The following THOC5 variants were observed in gnomAD, a reference collection of about 807,000 sequenced individuals.
THOC5 encodes the protein THO complex subunit 5, also known as Fms-interacting protein.
In THOC5, 43 loss-of-function variants were observed where a neutral mutation model predicts 92.9. The ratio of observed to expected loss-of-function variants is 0.46; its 90% CI spans 0.36 to 0.60. The LOEUF is 0.60. Ranked by LOEUF, THOC5 falls within the 20% of genes least tolerant of loss-of-function variation. THOC5 has a pLI of 0.00. For missense variants in THOC5, 659 were observed against 849.4 expected, an observed-to-expected ratio of 0.78 and a Z score of 2.79; for synonymous variants, 296 against 320.1, an observed-to-expected ratio of 0.92 and a Z score of 0.80.
Position 29,528,426 on chromosome 22 carries a change from C to T in THOC5, c.966G>A (p.Thr322=). Residue 322 remains threonine (T), a splice_region_variant and synonymous_variant, in exon 10 of 20, where the codon ACG becomes ACA. Transcript: ENST00000490103. The part of the protein sequence containing the change: ...SDSDAEEEQT[T]KRRRPTLGVQ... ...CCCCACAAGAGGAAATGGTTCTCAC[C>T]GTAGTCTGCTCCTCCTCGGCATCTG... 4.3e-6 allele frequency: 7 copies of T among 1,613,830 alleles called. No individual in the cohort carries two copies. The highest frequency in any genetic ancestry group is 5.9e-6 in the Non-Finnish European group (7 of 1,180,030).
chr22:29,536,885 T>A (rs2063771425), intron 6 of THOC5, 147 bp from the exon 7 acceptor site: 1 of 622,270 alleles, frequency 1.6e-6, no homozygotes. Context: ...GGTACTTTGG[T>A]GAGCTCTTTA....
In THOC5 at chr22:29,548,191, G is replaced by A. The variant is rs149307057; in HGVS notation, c.96+861C>T. Among the ~76,000 whole-genome samples the A allele has an allele frequency of 7.2e-4, 110 of 152,170 alleles. 1 individual carries two copies. The highest frequency in any genetic ancestry group is 1.4e-3 in the Non-Finnish European group (94 of 68,010). ...CAAGTTGAGATTTGGGTGGGGACACGGCCAAACCATATGACCATCCCAGTA... is the reference window on the plus strand; with the variant it reads ...CAAGTTGAGATTTGGGTGGGGACACAGCCAAACCATATGACCATCCCAGTA... On this transcript the variant is annotated intron_variant, in intron 2 of 19. Coordinates refer to ENST00000490103, the MANE Select transcript of THOC5 (RefSeq NM_003678.5).
intron 15 of THOC5, among the ~76,000 whole-genome samples, chr22:29,518,174 C>T (rs1311355093): frequency 6.6e-6 from 1 of 152,164 alleles, no homozygotes; most frequent in Non-Finnish European, 1.5e-5. Context: ...GCTGGGAATA[C>T]AAGTGCACAC....
chr22:29,534,452 T>C (rs1010158166), intron 7 of THOC5: 1 of 152,160 alleles, frequency 6.6e-6, no homozygotes, highest in African/African-American at 2.4e-5. Context: ...AAGTAATATA[T>C]GGTACACTGT....
chr22:29,513,733 C>T (rs1234364085), intron 17 of THOC5, among the ~76,000 whole-genome samples: 1 of 151,886 alleles, frequency 6.6e-6, no homozygotes. Flanking sequence ...CGTCGTGGCT[C>T]ACGCCTGTAA....
At chr22:29,535,908 C>A (rs2063750936) in intron 7 of THOC5, 3 of 152,142 alleles carry the variant, frequency 2.0e-5, no homozygotes. Context: ...CTCCTGGGCT[C>A]AAGTGATCCT....
chr22:29,536,671 T>C lies in THOC5; in HGVS notation c.667A>G (p.Lys223Glu). The change falls in exon 7 of 20, where the codon AAG becomes GAG. Residue 223 changes from lysine (K) to glutamate (E), a missense_variant. Lys to Glu is a moderately conservative substitution (Grantham distance 56). Coordinates refer to ENST00000490103, the MANE Select transcript of THOC5 (RefSeq NM_003678.5). ...EKILKEIEVKKEYLSSLQPRL... is the reference protein window; with the variant it reads ...EKILKEIEVKEEYLSSLQPRL... ...GGCTGGAGGCTGCTCAGGTACTCCT[T>C]CTTCACCTCAATCTCCTTGAGAATC... 1 of 1,613,918 alleles carries C rather than the reference T, an allele frequency of 6.2e-7. No individual in the cohort carries two copies. Among genetic ancestry groups the C allele is most frequent in the Middle Eastern group, 1.6e-4 (1 of 6,062 alleles).
In THOC5 at chr22:29,508,497, A is replaced by G; in HGVS notation, c.2012T>C (p.Phe671Ser). 1 of 1,614,140 alleles carries G rather than the reference A, an allele frequency of 6.2e-7. No homozygotes were observed. Among genetic ancestry groups the G allele is most frequent in the East Asian group, 2.2e-5 (1 of 44,876 alleles). Reference sequence around the variant, plus strand: ...GAATCCCTGAGGATGGTTGTATTTAAATGGCTTCATCCTGCTAGGACCCCT... The same window carrying G: ...GAATCCCTGAGGATGGTTGTATTTAGATGGCTTCATCCTGCTAGGACCCCT... ...LFRGPSRMKP[F>S]KYNHPQGFFS... The change falls in exon 20 of 20, where the codon TTT (phenylalanine) becomes TCT (serine). Residue 671 changes from phenylalanine (F) to serine (S), a missense_variant. Phe to Ser is a radical substitution (Grantham distance 155). Transcript: ENST00000490103.
At position 29,514,718 on chromosome 22, in the gene THOC5, T is replaced by A. The variant is rs538832339; in HGVS notation, c.1681+2311A>T. On this transcript the variant is annotated intron_variant, in intron 17 of 19. Coordinates refer to ENST00000490103, the MANE Select transcript of THOC5 (RefSeq NM_003678.5). ...AATGAAAAAATATATATATATATAT[T>A]TTTTGAGACGGAGTCTTGCTCTGTC... Among the ~76,000 whole-genome samples, 19 of 150,996 alleles carry A rather than the reference T, an allele frequency of 1.3e-4. No individual in the cohort carries two copies. In the East Asian group the frequency reaches 3.7e-3, roughly 30 times the overall value.
chr22:29,541,687 C>A (rs2063887187), intron 5 of THOC5, among the ~76,000 whole-genome samples: 2 of 149,146 alleles, frequency 1.3e-5, no homozygotes, highest in Admixed American at 1.3e-4. Context: ...CGGTGAAACC[C>A]TGTCTCTACT....
Position 29,515,051 on chromosome 22 carries a change from G to GT in THOC5, c.1681+1977dup, listed in dbSNP as rs372902253. On this transcript the variant is annotated intron_variant, in intron 17 of 19. Transcript: ENST00000490103. ...GGTATATATATTGTTTTTTGTTGTT[G>GT]TTTTTTTTGAAAGAGAGTCTTGCTC... is the stretch of plus-strand genomic sequence containing the variant. 4.0e-3 allele frequency among the ~76,000 whole-genome samples: 590 copies of GT among 146,740 alleles called. 11 individuals are homozygous for GT. In the Middle Eastern group the frequency reaches 0.052, roughly 13 times the overall value.
chr22:29,529,321 A>C, intron 8 of THOC5, 82 bp from the exon 9 acceptor site: 1 of 1,424,240 alleles, frequency 7.0e-7, no homozygotes, highest in East Asian at 2.3e-5. Context: ...CTGGGGCTGC[A>C]TTTCTCCCAC....
intron 13 of THOC5, among the ~76,000 whole-genome samples, chr22:29,520,564 T>C (rs1182145951): frequency 6.6e-6 from 1 of 152,088 alleles, no homozygotes; most frequent in Non-Finnish European, 1.5e-5. Flanking sequence ...GACATGACCA[T>C]GGCTCACTGC....
intron 19 of THOC5, among the ~76,000 whole-genome samples, chr22:29,508,821 G>A (rs752442961): frequency 6.6e-6 from 1 of 151,834 alleles, no homozygotes; most frequent in African/African-American, 2.4e-5. Context: ...TTTTTGAGAC[G>A]GAGTCTCTGT....
intron 7 of THOC5, 136 bp from the exon 8 acceptor site, chr22:29,532,099 A>G: frequency 9.4e-7 from 1 of 1,065,852 alleles, no homozygotes; most frequent in Non-Finnish European, 1.3e-6. Context: ...GGTGGATAAA[A>G]GCTCAACGTA....
chr22:29,539,876 G>GTA (rs2063842928), intron 5 of THOC5, among the ~76,000 whole-genome samples: 1 of 152,190 alleles, frequency 6.6e-6, no homozygotes, highest in Non-Finnish European at 1.5e-5. Context: ...TTAAGTTCAA[G>GTA]ACATTAGCCG....
chr22:29,508,035 G>C lies in THOC5; in HGVS notation c.*422C>G, dbSNP rs369627193. 79 of 170,210 alleles carry C rather than the reference G, an allele frequency of 4.6e-4. 1 individual carries two copies. The South Asian group carries it at 0.011, about 25-fold the overall frequency. 10.5% of individuals were successfully genotyped at this position (170,210 alleles called of 1,614,324 possible). A position where few individuals can be genotyped will look rare whatever the true frequency, so the allele number is the denominator to read the frequency against. On this transcript the variant is annotated 3_prime_UTR_variant, in exon 20 of 20. Coordinates refer to ENST00000490103, the MANE Select transcript of THOC5 (RefSeq NM_003678.5). ...GGGAAGAGCGGGTGGGGAGGGAAGA[G>C]TTTTGCTTTTTGTGCTCTGCTGCCT...
chr22:29,511,392 A>C (rs1425671345), intron 18 of THOC5, 96 bp from the exon 19 acceptor site: 5 of 1,391,800 alleles, frequency 3.6e-6, no homozygotes, highest in Non-Finnish European at 4.9e-6. Flanking sequence ...CCGAGCGCTG[A>C]TGCCTCTGCA....
In THOC5 at chr22:29,511,445, G is replaced by C. The variant is rs2063220669; in HGVS notation, c.1798-149C>G. The C allele has an allele frequency of 1.7e-5, 13 of 777,216 alleles. No individual in the cohort carries two copies. In the South Asian group the frequency reaches 2.4e-4, roughly 14 times the overall value. 48.1% of individuals were successfully genotyped at this position (777,216 alleles called of 1,614,324 possible). A position where few individuals can be genotyped will look rare whatever the true frequency, so the allele number is the denominator to read the frequency against. On this transcript the variant is annotated intron_variant, in intron 18 of 19. Transcript: ENST00000490103. ...TAGGCCATCAGATCAAGCTAGACTG[G>C]CTTGTCCTCAGGCCCCCTCATCAAG... is the stretch of plus-strand genomic sequence containing the variant.
Sources: allele counts gnomAD v4.1 joint callset (sites outside exome capture counted in the v4.1 genomes callset), GRCh38; gene constraint gnomAD v4.1.1; transcripts MANE v1.5; gene names NCBI Gene and HGNC (gene_info 2026-07-23, HGNC 2026-07-21).